APLF: variants seen among roughly 807,000 people sequenced by gnomAD.
APLF encodes aprataxin and PNKP like factor.
APLF carries 61 observed loss-of-function variants against 55.6 expected under a neutral mutation model. That is an observed-to-expected ratio of 1.10 (90% CI 0.89 to 1.36). APLF has a LOEUF of 1.36. Among genes scored for constraint, APLF ranks in the 40% most tolerant of loss-of-function variants. The pLI, the probability that APLF is intolerant of heterozygous loss-of-function variation, is 0.00. For missense variants in APLF, 611 were observed against 602.5 expected (o/e 1.01, Z -0.15); for synonymous variants, 207 against 214.8 (o/e 0.96, Z 0.32).
intron 6 of APLF, chr2:68,528,457 T>C (rs2103987864): frequency 6.5e-7 from 1 of 1,533,948 alleles, no homozygotes; most frequent in Non-Finnish European, 8.7e-7. Context: ...GGGGAGGGGT[T>C]GGTTGCAGCT....
At position 68,573,541 on chromosome 2, in the gene APLF, C is replaced by T. The variant is rs532542557; in HGVS notation, c.1334-4279C>T. On this transcript the variant is annotated intron_variant, in intron 9 of 9. Coordinates refer to ENST00000303795, the MANE Select transcript of APLF (RefSeq NM_173545.3). ...TACAAAAAGTAGCTGGGCGTGGTGG[C>T]GGGGGCCTGTAATCCCAGCTACTCA... Among the ~76,000 whole-genome samples, 3 of 151,944 alleles carry T rather than the reference C, an allele frequency of 2.0e-5. No individual in the cohort carries two copies. The South Asian group carries it at 6.2e-4, about 32-fold the overall frequency.
At chr2:68,570,563 G>C (rs539803103) in intron 9 of APLF, among the ~76,000 whole-genome samples, 1 of 151,746 alleles carries the variant, frequency 6.6e-6, no homozygotes, top group Non-Finnish European at 1.5e-5. Context: ...TTGTCCTTGC[G>C]ATAGTTTGCT....
At chr2:68,547,822 C>T (rs942647111) in intron 8 of APLF, among the ~76,000 whole-genome samples, 12 of 151,626 alleles carry the variant, frequency 7.9e-5, no homozygotes, top group Non-Finnish European at 1.2e-4. Flanking sequence ...AATATGCCAT[C>T]TAAATTTATT....
intron 3 of APLF, among the ~76,000 whole-genome samples, chr2:68,505,177 A>G (rs888061590): frequency 1.3e-5 from 2 of 152,062 alleles, no homozygotes; most frequent in African/African-American, 4.8e-5. Flanking sequence ...TTTTTCTCTT[A>G]TCATACATGT....
chr2:68,540,999 C>T (rs1333187420), intron 7 of APLF, among the ~76,000 whole-genome samples: 3 of 152,102 alleles, frequency 2.0e-5, no homozygotes, highest in African/African-American at 7.2e-5. Context: ...GAGTTCAAAA[C>T]CAAACCTACA....
chr2:68,545,409 A>G, intron 8 of APLF, 97 bp downstream of exon 8: 3 of 1,396,202 alleles, frequency 2.1e-6, no homozygotes, highest in Non-Finnish European at 2.9e-6. Context: ...CAAGCCTTTT[A>G]ATTTTCATTT....
rs1670439531 is a variant in APLF, at chr2:68,537,867, T to C, written c.805-5T>C. On this transcript the variant is annotated splice_region_variant and splice_polypyrimidine_tract_variant and intron_variant, in intron 6 of 9. Coordinates refer to ENST00000303795, the MANE Select transcript of APLF (RefSeq NM_173545.3). ...TTTCTGATGTTTTTCATATTTGTTT[T>C]ACAGGAAATGCCACAATCATTTTCT... is the stretch of plus-strand genomic sequence containing the variant. 6.5e-7 allele frequency: 1 copy of C among 1,539,964 alleles called. No individual in the cohort carries two copies. The highest frequency in any genetic ancestry group is 1.2e-5 in the South Asian group (1 of 80,760).
chr2:68,470,252 T>A (rs1405546711), intron 1 of APLF, among the ~76,000 whole-genome samples: 2 of 152,204 alleles, frequency 1.3e-5, no homozygotes, highest in Admixed American at 6.5e-5. Flanking sequence ...TCATTGAAAT[T>A]GCGAAATTGC....
intron 3 of APLF, among the ~76,000 whole-genome samples, chr2:68,510,061 C>T (rs1174287453): frequency 1.3e-4 from 14 of 105,750 alleles, no homozygotes; most frequent in Non-Finnish European, 9.0e-5. Flanking sequence ...CACACCAGGG[C>T]CTGTTGTGGA....
chr2:68,563,714 T>G (rs1671224497), intron 8 of APLF, among the ~76,000 whole-genome samples: 1 of 152,084 alleles, frequency 6.6e-6, no homozygotes, highest in Admixed American at 6.6e-5. Flanking sequence ...TGAGCATTTC[T>G]AAAGCAGCTT....
chr2:68,517,574 A>C (rs1022212755), intron 5 of APLF, among the ~76,000 whole-genome samples: 93 of 143,986 alleles, frequency 6.5e-4, no homozygotes, highest in Non-Finnish European at 1.8e-4. Context: ...ATAACAATAT[A>C]TCACTAATAT....
chr2:68,577,938 C>T lies in APLF; in HGVS notation c.1452C>T (p.Asp484=). The T allele has an allele frequency of 6.2e-7, 1 of 1,613,502 alleles. No individual in the cohort carries two copies. Among genetic ancestry groups the T allele is most frequent in the Non-Finnish European group, 8.5e-7 (1 of 1,179,718 alleles). Reference sequence around the variant, plus strand: ...ATGAGCCAACAGATGAAGATTCTGACTGGGAACCAGGAAAGGAAGATGAAG... The same window carrying T: ...ATGAGCCAACAGATGAAGATTCTGATTGGGAACCAGGAAAGGAAGATGAAG... The part of the protein sequence containing the change: ...EDYEPTDEDS[D]WEPGKEDEEK... The change falls in exon 10 of 10, where the codon GAC becomes GAT. Residue 484 remains aspartate (D), a synonymous_variant. Coordinates refer to ENST00000303795, the MANE Select transcript of APLF (RefSeq NM_173545.3).
chr2:68,531,693 A>G (rs1670261364), intron 6 of APLF, among the ~76,000 whole-genome samples: 1 of 152,246 alleles, frequency 6.6e-6, no homozygotes, highest in Non-Finnish European at 1.5e-5. Flanking sequence ...TGAACTCTGA[A>G]CATGTCAATT....
chr2:68,526,085 A>G lies in APLF; in HGVS notation c.647A>G (p.Lys216Arg). 6.2e-7 allele frequency: 1 copy of G among 1,613,112 alleles called. No individual in the cohort carries two copies. The highest frequency in any genetic ancestry group is 8.5e-7 in the Non-Finnish European group (1 of 1,179,788). The stretch of plus-strand genomic sequence containing the variant: ...GGTAATGTAATCCAGGGAAGTGGAA[A>G]AGAAGAAATCTGCAAAGATAAATCC... ...SGGNVIQGSG[K>R]EEICKDKSQL... is the part of the protein sequence containing the mutation. Residue 216 changes from lysine to arginine, a missense_variant, in exon 6 of 10, where the codon AAA (lysine) becomes AGA (arginine). By Grantham distance (26) the Lys-to-Arg change is conservative. Transcript: ENST00000303795.
At chr2:68,564,426 T>G (rs905816812) in intron 8 of APLF, among the ~76,000 whole-genome samples, 6 of 152,092 alleles carry the variant, frequency 3.9e-5, no homozygotes, top group African/African-American at 1.2e-4. Flanking sequence ...ATACTTGCAT[T>G]GTAGGAAAAG....
chr2:68,516,670 A>C (rs893941529), intron 5 of APLF, among the ~76,000 whole-genome samples: 2 of 150,066 alleles, frequency 1.3e-5, no homozygotes, highest in African/African-American at 4.9e-5. Context: ...TCCCACTTAT[A>C]AATGAGAAAA....
At chr2:68,475,146 G>C (rs149362231) in intron 1 of APLF, among the ~76,000 whole-genome samples, 273 of 152,316 alleles carry the variant, frequency 1.8e-3, no homozygotes, top group African/African-American at 6.3e-3. Context: ...AAAGTCCCAA[G>C]TGGTGCTTTA....
intron 3 of APLF, 26 bp from the exon 4 acceptor site, chr2:68,513,054 A>G: frequency 6.4e-7 from 1 of 1,574,132 alleles, no homozygotes; most frequent in Non-Finnish European, 8.7e-7. Context: ...TTAAAATTAA[A>G]GACCAGTTTC....
At chr2:68,467,895 G>T in intron 1 of APLF, 68 bp downstream of exon 1, 7 of 1,167,964 alleles carry the variant, frequency 6.0e-6, no homozygotes, top group Non-Finnish European at 7.5e-6. Flanking sequence ...CTGAAGACCG[G>T]CCCTAGTCCT....
Sources: allele counts gnomAD v4.1 joint callset (sites outside exome capture counted in the v4.1 genomes callset), GRCh38; gene constraint gnomAD v4.1.1; transcripts MANE v1.5; gene names NCBI Gene and HGNC (gene_info 2026-07-23, HGNC 2026-07-21).